CLVS1: variants seen among roughly 807,000 people sequenced by gnomAD.
The protein encoded by CLVS1 is clavesin-1.
A neutral mutation model predicts 33.1 loss-of-function variants in CLVS1; 10 were observed. The observed-to-expected ratio is 0.30, with a 90% confidence interval of 0.19 to 0.51. CLVS1 has a LOEUF of 0.51. Ranked by LOEUF, CLVS1 falls within the 20% of genes least tolerant of loss-of-function variation. The pLI is 0.97. For synonymous variants in CLVS1, 163 were observed against 166.1 expected (o/e 0.98, Z 0.14); for missense variants, 343 against 433.4 (o/e 0.79, Z 1.85).
At chr8:61,008,597 A>G in the CLVS1 span, among the ~76,000 whole-genome samples, 1 of 151,964 alleles carries the variant, frequency 6.6e-6, no homozygotes, top group Non-Finnish European at 1.5e-5. Context: ...TTCCCCAAGT[A>G]GCTTGGACTA....
chr8:61,489,795 T>C (rs1804007396), intron 5 of CLVS1, among the ~76,000 whole-genome samples: 1 of 152,244 alleles, frequency 6.6e-6, no homozygotes, highest in Admixed American at 6.5e-5. Context: ...CAAGGGTTAC[T>C]GAGTGCTGCT....
chr8:61,434,319 G>T (rs1816232098), intron 3 of CLVS1, among the ~76,000 whole-genome samples: 1 of 152,180 alleles, frequency 6.6e-6, no homozygotes, highest in Non-Finnish European at 1.5e-5. Flanking sequence ...AAGCATTTAA[G>T]AGATAGTAAA....
intron 2 of CLVS1, among the ~76,000 whole-genome samples, chr8:61,353,862 G>T (rs933612964): frequency 2.6e-5 from 4 of 151,254 alleles, no homozygotes; most frequent in Admixed American, 2.0e-4. Flanking sequence ...ATAATAAAAA[G>T]AGAGAAAACA....
chr8:61,472,728 TA>T (rs1470299873), intron 5 of CLVS1, among the ~76,000 whole-genome samples: 1 of 152,130 alleles, frequency 6.6e-6, no homozygotes. Flanking sequence ...AGAGGGCAAT[TA>T]AGAGAACAGA....
intron 2 of CLVS1, among the ~76,000 whole-genome samples, chr8:61,355,073 G>A (rs1162950944): frequency 4.6e-5 from 7 of 152,024 alleles, no homozygotes; most frequent in Admixed American, 6.6e-5. Context: ...TCCCACCTAC[G>A]CCCAAAACAA....
intron 3 of CLVS1, among the ~76,000 whole-genome samples, chr8:61,416,885 C>T (rs1039717884): frequency 6.6e-6 from 1 of 152,134 alleles, no homozygotes; most frequent in Non-Finnish European, 1.5e-5. Flanking sequence ...ATGAAAAGTT[C>T]CGTCAGCCAG....
chr8:61,273,474 G>T (rs1303836199), intron 2 of CLVS1, among the ~76,000 whole-genome samples: 1 of 152,116 alleles, frequency 6.6e-6, no homozygotes, highest in South Asian at 2.1e-4. Flanking sequence ...CAGAGGTGGA[G>T]CCTACAGAGG....
intron 2 of CLVS1, among the ~76,000 whole-genome samples, chr8:61,259,772 G>C (rs903070037): frequency 6.6e-6 from 1 of 152,222 alleles, no homozygotes; most frequent in Admixed American, 6.5e-5. Context: ...AATTTCATGG[G>C]TATTTATGGT....
intron 3 of CLVS1, among the ~76,000 whole-genome samples, chr8:61,425,982 C>A (rs1815876882): frequency 6.6e-6 from 1 of 152,208 alleles, no homozygotes; most frequent in South Asian, 2.1e-4. Flanking sequence ...CCCTTTAGAG[C>A]TGTAATTACA....
intron 3 of CLVS1, among the ~76,000 whole-genome samples, chr8:61,424,626 T>C (rs562073140): frequency 6.6e-6 from 1 of 152,356 alleles, no homozygotes; most frequent in African/African-American, 2.4e-5. Flanking sequence ...GTTCTTTTTT[T>C]CTGATGTCTT....
intron 5 of CLVS1, among the ~76,000 whole-genome samples, chr8:61,469,841 A>G (rs2129607679): frequency 6.6e-6 from 1 of 152,338 alleles, no homozygotes; most frequent in East Asian, 1.9e-4. Context: ...TTCTTAATGA[A>G]TGATCCGCAG....
chr8:61,017,423 G>C, the CLVS1 span, among the ~76,000 whole-genome samples: 2 of 152,222 alleles, frequency 1.3e-5, no homozygotes, highest in African/African-American at 4.8e-5. Flanking sequence ...AGCCGGGTGC[G>C]TTCTGCTATA....
At chr8:61,184,629 C>T (rs1344913744) in intron 2 of CLVS1, among the ~76,000 whole-genome samples, 7 of 152,140 alleles carry the variant, frequency 4.6e-5, no homozygotes, top group Non-Finnish European at 8.8e-5. Context: ...GGCTGGAGAG[C>T]CAGCAAAACG....
chr8:61,185,231 C>T (rs1563435754), intron 2 of CLVS1, among the ~76,000 whole-genome samples: 1 of 151,632 alleles, frequency 6.6e-6, no homozygotes. Context: ...AAGCGTTGAC[C>T]CCTGGGCTCA....
the CLVS1 span, among the ~76,000 whole-genome samples, chr8:61,011,364 T>A: frequency 2.8e-4 from 42 of 152,318 alleles, no homozygotes; most frequent in African/African-American, 7.7e-4. Flanking sequence ...CGTTAAAAAA[T>A]TTTTCTAATG....
chr8:61,031,469 T>C, the CLVS1 span, among the ~76,000 whole-genome samples: 1 of 152,188 alleles, frequency 6.6e-6, no homozygotes, highest in Admixed American at 6.5e-5. Flanking sequence ...CAGAGCAAAA[T>C]GCTAAAAGGG....
At chr8:61,211,061 G>C (rs1807960876) in intron 2 of CLVS1, among the ~76,000 whole-genome samples, 1 of 152,086 alleles carries the variant, frequency 6.6e-6, no homozygotes, top group African/African-American at 2.4e-5. Context: ...AATGCCAAGT[G>C]GTCAACCATG....
intron 2 of CLVS1, among the ~76,000 whole-genome samples, chr8:61,332,527 C>T (rs2129597367): frequency 6.6e-6 from 1 of 152,280 alleles, no homozygotes. Context: ...TTTGTTGATA[C>T]TTCTAATCTG....
chr8:61,172,851 A>G (rs1408514426), intron 2 of CLVS1, among the ~76,000 whole-genome samples: 1 of 152,162 alleles, frequency 6.6e-6, no homozygotes, highest in Non-Finnish European at 1.5e-5. Context: ...TGTCTTCTTC[A>G]GGTGATGGAA....
Sources: allele counts gnomAD v4.1 joint callset (sites outside exome capture counted in the v4.1 genomes callset), GRCh38; gene constraint gnomAD v4.1.1; transcripts MANE v1.5; gene names NCBI Gene and HGNC (gene_info 2026-07-23, HGNC 2026-07-21).